Variants in ZCCHC10 observed in about 807,000 individuals in gnomAD.
ZCCHC10 encodes the protein zinc finger CCHC-type containing 10.
In ZCCHC10, 16 loss-of-function variants were observed where a neutral mutation model predicts 19.5. The ratio of observed to expected loss-of-function variants is 0.82; its 90% confidence interval spans 0.56 to 1.25. The LOEUF (loss-of-function observed/expected upper bound fraction) is 1.25, where lower values mean the gene tolerates loss of function less well. Ranked by LOEUF, ZCCHC10 falls within the 50% of genes most tolerant of loss-of-function variation. ZCCHC10 has a pLI of 0.00. For synonymous variants in ZCCHC10, 67 were observed against 72.5 expected (o/e 0.92, Z 0.38); for missense variants, 197 against 201.0 (o/e 0.98, Z 0.12).
intron 3 of ZCCHC10, chr5:133,003,119 T>C: frequency 3.3e-6 from 1 of 302,552 alleles, no homozygotes; most frequent in South Asian, 3.6e-5. Context: ...GCTGCAAACA[T>C]TCTCCGCCAG....
At chr5:133,001,225 T>TA (rs996261616) in intron 3 of ZCCHC10, among the ~76,000 whole-genome samples, 4 of 150,938 alleles carry the variant, frequency 2.7e-5, no homozygotes, top group African/African-American at 7.3e-5. Context: ...CTGTCTCTAC[T>TA]AAAAAAAACA....
At chr5:133,025,731 T>A (rs1311037059) in intron 1 of ZCCHC10, among the ~76,000 whole-genome samples, 1 of 152,132 alleles carries the variant, frequency 6.6e-6, no homozygotes, top group East Asian at 1.9e-4. Context: ...CCTTTAAATC[T>A]CTGTTCAAAT....
chr5:133,002,054 C>T (rs980729720), intron 3 of ZCCHC10, among the ~76,000 whole-genome samples: 3 of 129,242 alleles, frequency 2.3e-5, no homozygotes, highest in African/African-American at 3.4e-5. Flanking sequence ...CTCCACCTCC[C>T]GGGTTCATGC....
rs190355228 is a variant in ZCCHC10, at chr5:133,014,444, C to T, written c.108-7524G>A. Among the ~76,000 whole-genome samples the T allele has an allele frequency of 1.9e-3, 286 of 152,216 alleles. 2 individuals carry two copies. The highest frequency in any genetic ancestry group is 7.6e-4 in the Non-Finnish European group (52 of 68,002). On this transcript the variant is annotated intron_variant, in intron 2 of 4. Transcript: ENST00000509437. Reference sequence around the variant, plus strand: ...CCTCCCAAAGTGCTGGGATTACAGGCGTGAGCCACCGCGCCCAGACCTATT... The same window carrying T: ...CCTCCCAAAGTGCTGGGATTACAGGTGTGAGCCACCGCGCCCAGACCTATT...
intron 3 of ZCCHC10, among the ~76,000 whole-genome samples, chr5:133,001,362 G>C (rs1484379959): frequency 2.6e-5 from 4 of 151,920 alleles, no homozygotes; most frequent in Non-Finnish European, 5.9e-5. Context: ...TTGCACTCCA[G>C]TTTGGGCGAC....
chr5:133,006,363 G>A (rs146000036), intron 3 of ZCCHC10, among the ~76,000 whole-genome samples: 2 of 152,008 alleles, frequency 1.3e-5, no homozygotes, highest in African/African-American at 2.4e-5. Context: ...ATAATCTATC[G>A]GTTAATTCAA....
intron 3 of ZCCHC10, among the ~76,000 whole-genome samples, chr5:133,003,658 T>C (rs928327860): frequency 6.6e-5 from 10 of 151,550 alleles, no homozygotes; most frequent in African/African-American, 1.2e-4. Flanking sequence ...ATTTGGCTGA[T>C]AGTATAAATT....
chr5:133,023,771 C>CA (rs34071317), intron 1 of ZCCHC10, among the ~76,000 whole-genome samples: 5,485 of 144,706 alleles, frequency 0.038, 159 homozygotes, highest in African/African-American at 0.078. Flanking sequence ...AACTCCATCT[C>CA]AAAAAAAAAA....
At chr5:133,025,503 C>CAAAAAAAAAAAAA (rs74843776) in intron 1 of ZCCHC10, among the ~76,000 whole-genome samples, 12 of 18,678 alleles carry the variant, frequency 6.4e-4, no homozygotes, top group African/African-American at 1.7e-3. Flanking sequence ...GACTCCGCCT[C>CAAAAAAAAAAAAA]AAAAAAAAAA....
chr5:132,998,468 T>C lies in ZCCHC10; in HGVS notation c.*115A>G, dbSNP rs1007123003. On this transcript the variant is annotated 3_prime_UTR_variant, in exon 5 of 5. Coordinates refer to ENST00000509437, the MANE Select transcript of ZCCHC10 (RefSeq NM_001300816.3). Reference sequence around the variant, plus strand: ...TACAATGTAAAACATTTAGAAACTTTTGAATTCTAGAAATGTTCACCAGTT... The same window carrying C: ...TACAATGTAAAACATTTAGAAACTTCTGAATTCTAGAAATGTTCACCAGTT... 2.7e-5 allele frequency: 24 copies of C among 893,804 alleles called. No homozygotes were observed. In the African/African-American group the frequency reaches 3.5e-4, roughly 13 times the overall value. 55.4% of individuals were successfully genotyped at this position (893,804 alleles called of 1,614,324 possible).
intron 1 of ZCCHC10, among the ~76,000 whole-genome samples, chr5:133,023,895 TA>T (rs1290880119): frequency 6.6e-6 from 1 of 152,202 alleles, no homozygotes; most frequent in Non-Finnish European, 1.5e-5. Context: ...TTTTGATGAA[TA>T]TAAAATGAAA....
At position 133,023,309 on chromosome 5, in the gene ZCCHC10, T is replaced by C. The variant is rs531591923; in HGVS notation, c.42-403A>G. On this transcript the variant is annotated intron_variant, in intron 1 of 4. Coordinates refer to ENST00000509437, the MANE Select transcript of ZCCHC10 (RefSeq NM_001300816.3). ...CCATAATTTACTTAATATAGGTAGA[T>C]GTAAGTACAGTTTACAAGGTAAAAA... is the stretch of plus-strand genomic sequence containing the variant. Among the ~76,000 whole-genome samples, 268 of 152,252 alleles carry C rather than the reference T, an allele frequency of 1.8e-3. 1 individual carries two copies. The highest frequency in any genetic ancestry group is 6.2e-3 in the African/African-American group (258 of 41,562).
chr5:133,014,319 C>G (rs1763778010), intron 2 of ZCCHC10, among the ~76,000 whole-genome samples: 1 of 152,094 alleles, frequency 6.6e-6, no homozygotes, highest in South Asian at 2.1e-4. Context: ...GCCACCACGC[C>G]TGGCTAATTT....
chr5:133,016,984 A>G (rs1274110514), intron 2 of ZCCHC10, among the ~76,000 whole-genome samples: 1 of 151,044 alleles, frequency 6.6e-6, no homozygotes, highest in Non-Finnish European at 1.5e-5. Context: ...GGTACCCTAT[A>G]CCAAATTATA....
intron 2 of ZCCHC10, among the ~76,000 whole-genome samples, chr5:133,014,032 C>A (rs1428521301): frequency 6.6e-6 from 1 of 152,052 alleles, no homozygotes; most frequent in Non-Finnish European, 1.5e-5. Context: ...CATTTGTAAG[C>A]TGCCCACTTG....
chr5:133,001,696 A>G (rs1329882176), intron 3 of ZCCHC10, among the ~76,000 whole-genome samples: 1 of 152,064 alleles, frequency 6.6e-6, no homozygotes, highest in Non-Finnish European at 1.5e-5. Context: ...AGCTCAAGCA[A>G]TCTGCTCACC....
chr5:133,003,288 G>T (rs1415836208), intron 3 of ZCCHC10: 2 of 457,000 alleles, frequency 4.4e-6, no homozygotes, highest in East Asian at 6.2e-5. Flanking sequence ...GAACAAACTG[G>T]GTCCCAATGA....
intron 2 of ZCCHC10, among the ~76,000 whole-genome samples, chr5:133,022,085 C>T (rs548875879): frequency 3.3e-5 from 5 of 152,206 alleles, no homozygotes; most frequent in South Asian, 4.1e-4. Flanking sequence ...CATGAGCCAC[C>T]GCACCCGGCC....
intron 2 of ZCCHC10, 110 bp from the exon 3 acceptor site, chr5:133,007,030 A>G (rs1048518802): frequency 3.8e-6 from 4 of 1,046,462 alleles, no homozygotes; most frequent in East Asian, 5.5e-5. Flanking sequence ...TTATGGTCCA[A>G]TTCATAAAAA....
Sources: gnomAD v4.1 joint callset for allele counts (sites outside exome capture counted in the v4.1 genomes callset) on GRCh38, gnomAD v4.1.1 for gene constraint, MANE v1.5 for transcripts, NCBI Gene and HGNC (gene_info 2026-07-23, HGNC 2026-07-21) for gene names.